The following GASK1B variants were observed in gnomAD, a reference collection of about 807,000 sequenced individuals.
GASK1B encodes the protein Golgi-associated kinase 1B.
GASK1B carries 34 observed loss-of-function variants against 42.8 expected under a neutral mutation model. The ratio of observed to expected loss-of-function variants is 0.79; its 90% CI spans 0.60 to 1.06. GASK1B has a LOEUF of 1.06. Among genes scored for constraint, GASK1B ranks in the 50% least tolerant of loss-of-function variants. The pLI, the probability that GASK1B is intolerant of heterozygous loss-of-function variation, is 0.00. For synonymous variants in GASK1B, 262 were observed against 259.1 expected, an observed-to-expected ratio of 1.01 and a Z score of -0.11; for missense variants, 686 against 661.0, an observed-to-expected ratio of 1.04 and a Z score of -0.42.
intron 2 of GASK1B, among the ~76,000 whole-genome samples, chr4:158,166,731 A>G (rs1732244131): frequency 6.6e-6 from 1 of 152,158 alleles, no homozygotes; most frequent in Non-Finnish European, 1.5e-5. Context: ...GAGGAAAAAA[A>G]GGAGGTTCCC....
intron 4 of GASK1B, among the ~76,000 whole-genome samples, chr4:158,130,073 A>C (rs1168783910): frequency 6.6e-6 from 1 of 152,122 alleles, no homozygotes; most frequent in African/African-American, 2.4e-5. Flanking sequence ...TCCACTCAGC[A>C]TTCTTTCTGA....
intron 3 of GASK1B, among the ~76,000 whole-genome samples, chr4:158,138,327 C>G (rs1345727138): frequency 6.6e-6 from 1 of 152,018 alleles, no homozygotes; most frequent in Non-Finnish European, 1.5e-5. Context: ...CATCCATTTT[C>G]CTGTAAAGAT....
intron 2 of GASK1B, among the ~76,000 whole-genome samples, chr4:158,163,672 T>A (rs564393299): frequency 1.3e-5 from 2 of 152,172 alleles, no homozygotes; most frequent in Admixed American, 1.3e-4. Flanking sequence ...AGTAATGTTA[T>A]CATCATTGTT....
At chr4:158,162,652 T>A (rs1732068613) in intron 2 of GASK1B, among the ~76,000 whole-genome samples, 1 of 152,178 alleles carries the variant, frequency 6.6e-6, no homozygotes, top group South Asian at 2.1e-4. Context: ...CTCCCATGTA[T>A]CTCTTATATA....
chr4:158,137,019 T>G (rs28499342), intron 3 of GASK1B, among the ~76,000 whole-genome samples: 133,992 of 152,202 alleles, frequency 0.88, 60,215 homozygotes, highest in East Asian at 0.98. Context: ...ATAAACCAAA[T>G]GATGGTGGCT....
Position 158,155,626 on chromosome 4 carries a change from A to G in GASK1B, c.1110T>C (p.Phe370=), listed in dbSNP as rs999491989. ...ATAAACTTACCTGTAACAAAAAATC[A>G]AAGAGTGCCATCTTGGACCACTCAT... The part of the protein sequence containing the change: ...HHHEWSKMAL[F]DFLLQIYNRL... Residue 370 remains phenylalanine (F), a synonymous_variant, in exon 3 of 5, where the codon TTT becomes TTC. Transcript: ENST00000585682. 7 of 1,613,516 alleles carry G rather than the reference A, an allele frequency of 4.3e-6. No individual in the cohort carries two copies. The South Asian group carries it at 7.7e-5, about 18-fold the overall frequency.
At chr4:158,156,910 C>A (rs1329699302) in intron 2 of GASK1B, among the ~76,000 whole-genome samples, 2 of 152,074 alleles carry the variant, frequency 1.3e-5, no homozygotes, top group African/African-American at 4.8e-5. Flanking sequence ...TCTTAAATAG[C>A]CTTACATGTT....
chr4:158,147,058 G>A lies in GASK1B; in HGVS notation c.1125+8553C>T, dbSNP rs1290576426. ...CTTGCTCTGGCTCTGGCATCATAGA[G>A]CAAGTGATTTTAGTTTGCTTCAGGC... is the stretch of plus-strand genomic sequence containing the variant. On this transcript the variant is annotated intron_variant, in intron 3 of 4. Transcript: ENST00000585682. Among the ~76,000 whole-genome samples, 4 of 152,258 alleles carry A rather than the reference G, an allele frequency of 2.6e-5. No homozygotes were observed. In the East Asian group the frequency reaches 7.7e-4, roughly 29 times the overall value.
rs771554904 is a variant in GASK1B at position 158,155,667 on chromosome 4, T to C, written c.1069A>G (p.Thr357Ala). Residue 357 changes from threonine to alanine, a missense_variant, in exon 3 of 5, where the codon ACT (threonine) becomes GCT (alanine). Physicochemically the swap from Thr to Ala is moderately conservative, Grantham distance 58 (BLOSUM62 0). Transcript: ENST00000585682. ...GRVPKPESGC[T>A]EIHHHEWSKM... is the part of the protein sequence containing the mutation. Reference sequence around the variant, plus strand: ...GACCACTCATGATGATGTATTTCAGTACAACCCGATTCAGGCTTGGGTACT... The same window carrying C: ...GACCACTCATGATGATGTATTTCAGCACAACCCGATTCAGGCTTGGGTACT... The C allele has an allele frequency of 2.5e-6, 4 of 1,613,878 alleles. No homozygotes were observed. Among genetic ancestry groups the C allele is most frequent in the Middle Eastern group, 3.3e-4 (2 of 6,060 alleles).
chr4:158,140,266 A>G (rs1034032278), intron 3 of GASK1B, among the ~76,000 whole-genome samples: 48 of 152,238 alleles, frequency 3.2e-4, no homozygotes, highest in African/African-American at 1.1e-3. Flanking sequence ...CAATTTGACC[A>G]TACAACAGTA....
chr4:158,149,144 C>G, intron 3 of GASK1B, among the ~76,000 whole-genome samples: 1 of 152,188 alleles, frequency 6.6e-6, no homozygotes. Flanking sequence ...CCTACTCAAA[C>G]TCTTCCTCCA....
Position 158,131,008 on chromosome 4 carries a change from T to C in GASK1B, c.1130A>G (p.Tyr377Cys), listed in dbSNP as rs1322223333. The change falls in exon 4 of 5, where the codon TAT (tyrosine) becomes TGT (cysteine). Residue 377 changes from tyrosine to cysteine, a missense_variant. Physicochemically the swap from Tyr to Cys is radical, Grantham distance 194. Transcript: ENST00000585682. ...ACAGCAATTTGTATCTAAGCGATTA[T>C]AAATCTGTAAATGGAAAACACAAAA... ...MALFDFLLQI[Y>C]NRLDTNCCGF... 6 of 1,610,642 alleles carry C rather than the reference T, an allele frequency of 3.7e-6. No individual in the cohort carries two copies. Among genetic ancestry groups the C allele is most frequent in the East Asian group, 2.2e-5 (1 of 44,854 alleles).
At chr4:158,167,172 C>T (rs1301038117) in intron 2 of GASK1B, 2 of 152,132 alleles carry the variant, frequency 1.3e-5, no homozygotes, top group Admixed American at 6.5e-5. Context: ...GGGTAGATTA[C>T]TTACAGGCTT....
chr4:158,153,237 AC>A (rs1731625428), intron 3 of GASK1B, among the ~76,000 whole-genome samples: 1 of 152,112 alleles, frequency 6.6e-6, no homozygotes, highest in Admixed American at 6.6e-5. Context: ...CAAGAACTTA[AC>A]CCCTTTTACA....
rs1438945265 is a variant in GASK1B, at chr4:158,171,168, G to A, written c.208C>T (p.Pro70Ser). 3 of 1,611,158 alleles carry A rather than the reference G, an allele frequency of 1.9e-6. No homozygotes were observed. Among genetic ancestry groups the A allele is most frequent in the African/African-American group, 1.3e-5 (1 of 74,880 alleles). Residue 70 changes from proline (P) to serine (S), a missense_variant, in exon 2 of 5, where the codon CCA (proline) becomes TCA (serine). Coordinates refer to ENST00000585682, the MANE Select transcript of GASK1B (RefSeq NM_001128424.2). ...TCGGCGGTGTCGCGGCTGCGATGTG[G>A]CCCCTTCTCAGCCGCCTGTCCATGC... ...LQHGQAAEKG[P>S]HRSRDTAEPS...
chr4:158,138,800 T>G (rs1361477526), intron 3 of GASK1B, among the ~76,000 whole-genome samples: 1 of 152,158 alleles, frequency 6.6e-6, no homozygotes, highest in African/African-American at 2.4e-5. Flanking sequence ...AAATCAGTTC[T>G]CTTTTGAAAA....
At chr4:158,136,144 T>G (rs1730880877) in intron 3 of GASK1B, among the ~76,000 whole-genome samples, 1 of 152,142 alleles carries the variant, frequency 6.6e-6, no homozygotes, top group Admixed American at 6.5e-5. Context: ...GGTCCTTGGA[T>G]CCTACTGTGA....
intron 2 of GASK1B, among the ~76,000 whole-genome samples, chr4:158,167,454 C>G (rs1408895858): frequency 6.6e-6 from 1 of 152,150 alleles, no homozygotes; most frequent in Non-Finnish European, 1.5e-5. Flanking sequence ...GGAGAAAGCC[C>G]AGCCTGGACT....
intron 3 of GASK1B, among the ~76,000 whole-genome samples, chr4:158,136,302 G>T (rs1433065793): frequency 2.6e-5 from 4 of 152,014 alleles, no homozygotes; most frequent in African/African-American, 9.7e-5. Flanking sequence ...CAGGAGAATT[G>T]CTTGAGCCCA....
Sources: allele counts gnomAD v4.1 joint callset (sites outside exome capture counted in the v4.1 genomes callset), GRCh38; gene constraint gnomAD v4.1.1; transcripts MANE v1.5; gene names NCBI Gene and HGNC (gene_info 2026-07-23, HGNC 2026-07-21).